Variants in ZSCAN21 observed in about 807,000 individuals in gnomAD.
The protein encoded by ZSCAN21 is zinc finger and SCAN domain containing 21, also known as zinc finger and SCAN domain-containing protein 21.
In ZSCAN21, 26 loss-of-function variants were observed where a neutral mutation model predicts 35.6. That is an observed-to-expected ratio of 0.73 (90% CI 0.54 to 1.01). The LOEUF (loss-of-function observed/expected upper bound fraction) is 1.01, where lower values mean the gene tolerates loss of function less well. ZSCAN21 is among the 50% of genes least tolerant of loss of function. ZSCAN21 has a pLI of 0.00. For synonymous variants in ZSCAN21, 219 were observed against 219.3 expected (o/e 1.00, Z 0.01); for missense variants, 593 against 587.1 (o/e 1.01, Z -0.10).
At chr7:100,054,580 G>A (rs570177354) in intron 1 of ZSCAN21, among the ~76,000 whole-genome samples, 1 of 152,044 alleles carries the variant, frequency 6.6e-6, no homozygotes, top group South Asian at 2.1e-4. Flanking sequence ...CAAATTTTGG[G>A]AAATAATTCT....
At chr7:100,053,519 T>TTACATGCA in intron 1 of ZSCAN21, among the ~76,000 whole-genome samples, 1 of 101,842 alleles carries the variant, frequency 9.8e-6, no homozygotes, top group South Asian at 3.3e-4. Flanking sequence ...AGGAGGGCTC[T>TTACATGCA]TACATACATA....
chr7:100,062,525 G>A (rs4421299), intron 3 of ZSCAN21, among the ~76,000 whole-genome samples: 40,386 of 149,622 alleles, frequency 0.27, 6,352 homozygotes, highest in Middle Eastern at 0.48. Flanking sequence ...AACCTGGGAG[G>A]CAGAGGTTGC....
At chr7:100,059,474 C>T (rs554358282) in intron 3 of ZSCAN21, among the ~76,000 whole-genome samples, 2 of 151,758 alleles carry the variant, frequency 1.3e-5, no homozygotes, top group Non-Finnish European at 1.5e-5. Context: ...GGTTTTAGTA[C>T]CCAGATGGGA....
intron 1 of ZSCAN21, among the ~76,000 whole-genome samples, chr7:100,054,894 C>T (rs962786027): frequency 2.7e-5 from 4 of 149,364 alleles, no homozygotes; most frequent in South Asian, 2.1e-4. Flanking sequence ...AACTATGAAC[C>T]GTGTTTACAG....
At chr7:100,055,750 C>G (rs970165460) in intron 1 of ZSCAN21, among the ~76,000 whole-genome samples, 1 of 150,844 alleles carries the variant, frequency 6.6e-6, no homozygotes, top group African/African-American at 2.4e-5. Flanking sequence ...AGGCCATTCT[C>G]CTGCCTCAGC....
At position 100,057,470 on chromosome 7, in the gene ZSCAN21, G is replaced by A. The variant is rs181065559; in HGVS notation, c.399+65G>A. 1.3e-4 allele frequency: 195 copies of A among 1,495,022 alleles called. 1 individual carries two copies. The Admixed American group carries it at 2.1e-3, about 16-fold the overall frequency. 92.6% of individuals were successfully genotyped at this position (1,495,022 alleles called of 1,614,324 possible). A position where few individuals can be genotyped will look rare whatever the true frequency, so the allele number is the denominator to read the frequency against. On this transcript the variant is annotated intron_variant, in intron 2 of 3. Transcript: ENST00000292450. Reference sequence around the variant, plus strand: ...GCGTAACATTCTAGGCAGGAACAAGGGTTTGTCCATACATTAAGATTTGCT... The same window carrying A: ...GCGTAACATTCTAGGCAGGAACAAGAGTTTGTCCATACATTAAGATTTGCT...
rs11558476 is a variant in ZSCAN21, at chr7:100,057,066, G to T, written c.60G>T (p.Gln20His). 6.2e-7 allele frequency: 1 copy of T among 1,613,888 alleles called. No individual in the cohort carries two copies. The highest frequency in any genetic ancestry group is 1.1e-5 in the South Asian group (1 of 91,072). Reference protein sequence around the residue: ...PVLGPRPPQEQVGPLMVKVEE... With the variant: ...PVLGPRPPQEHVGPLMVKVEE... ...TGGGCCCTAGGCCTCCACAGGAGCA[G>T]GTGGGGCCTCTGATGGTAAAAGTCG... Residue 20 changes from glutamine to histidine, a missense_variant, in exon 2 of 4, where the codon CAG becomes CAT. By Grantham distance (24) the Gln-to-His change is conservative. Transcript: ENST00000292450.
intron 1 of ZSCAN21, among the ~76,000 whole-genome samples, 154 bp downstream of exon 1, chr7:100,049,995 C>T (rs1791800365): frequency 1.3e-5 from 2 of 152,190 alleles, no homozygotes; most frequent in Non-Finnish European, 1.5e-5. Flanking sequence ...TCCTCGTCCC[C>T]GCCCAGGACC....
intron 1 of ZSCAN21, among the ~76,000 whole-genome samples, chr7:100,051,176 CT>C (rs1423911465): frequency 9.6e-5 from 1 of 10,444 alleles, no homozygotes; most frequent in Non-Finnish European, 1.8e-4. Context: ...GAAACTACGT[CT>C]CAAAAAAAAA....
intron 1 of ZSCAN21, among the ~76,000 whole-genome samples, chr7:100,053,636 C>T (rs1050004624): frequency 6.6e-6 from 1 of 150,450 alleles, no homozygotes; most frequent in Non-Finnish European, 1.5e-5. Context: ...CTACAACCTC[C>T]ACCTCCCAGG....
Position 100,064,670 on chromosome 7 carries a change from CAGAA to C in ZSCAN21, c.*58_*61del. On this transcript the variant is annotated 3_prime_UTR_variant, in exon 4 of 4. Transcript: ENST00000292450. Reference sequence around the variant, plus strand: ...GTTTTAAACTTTAGAATCTGAAAACCAGAAAGAAGTCTTGTCATTGCAGCAGCAT... The same window carrying C: ...GTTTTAAACTTTAGAATCTGAAAACCAGAAGTCTTGTCATTGCAGCAGCAT... 6.2e-7 allele frequency: 1 copy of C among 1,602,574 alleles called. No homozygotes were observed. The highest frequency in any genetic ancestry group is 8.5e-7 in the Non-Finnish European group (1 of 1,173,602).
chr7:100,060,451 A>G (rs1394945831), intron 3 of ZSCAN21, among the ~76,000 whole-genome samples: 2 of 152,142 alleles, frequency 1.3e-5, no homozygotes, highest in African/African-American at 2.4e-5. Flanking sequence ...AGTCCCAGCT[A>G]CTCAGGAGGC....
At chr7:100,063,024 T>G (rs535965185) in intron 3 of ZSCAN21, among the ~76,000 whole-genome samples, 52 of 152,338 alleles carry the variant, frequency 3.4e-4, no homozygotes, top group African/African-American at 1.2e-3. Flanking sequence ...CCCAAGTAGC[T>G]GGGACCACAG....
At chr7:100,060,759 C>T (rs1373031016) in intron 3 of ZSCAN21, among the ~76,000 whole-genome samples, 1 of 148,290 alleles carries the variant, frequency 6.7e-6, no homozygotes, top group Non-Finnish European at 1.5e-5. Flanking sequence ...ACTCGGGAGG[C>T]TGAGGCAGGG....
At chr7:100,053,172 G>A (rs940558617) in intron 1 of ZSCAN21, among the ~76,000 whole-genome samples, 11 of 150,942 alleles carry the variant, frequency 7.3e-5, no homozygotes, top group Non-Finnish European at 1.5e-4. Flanking sequence ...AAATCACTTA[G>A]CTAATGAGCT....
chr7:100,060,686 G>A (rs1450012543), intron 3 of ZSCAN21, among the ~76,000 whole-genome samples: 8 of 150,626 alleles, frequency 5.3e-5, no homozygotes, highest in Admixed American at 5.3e-4. Context: ...GGCCAACATA[G>A]TGAAACTCCA....
intron 3 of ZSCAN21, among the ~76,000 whole-genome samples, chr7:100,058,303 G>A (rs1792156321): frequency 6.6e-6 from 1 of 152,220 alleles, no homozygotes; most frequent in African/African-American, 2.4e-5. Flanking sequence ...AATCAGGTAA[G>A]AGCTATAGTC....
intron 3 of ZSCAN21, among the ~76,000 whole-genome samples, chr7:100,062,278 GTTC>G (rs1423138486): frequency 2.3e-5 from 3 of 128,790 alleles, no homozygotes; most frequent in Admixed American, 1.6e-4. Flanking sequence ...AGGCTCAACT[GTTC>G]TTTTTTTTTT....
rs150028821 is a variant in ZSCAN21, at chr7:100,056,515, A to G, written c.-96-396A>G. 3.1e-3 allele frequency among the ~76,000 whole-genome samples: 475 copies of G among 151,662 alleles called. 7 individuals are homozygous for G. The highest frequency in any genetic ancestry group is 0.011 in the African/African-American group (453 of 41,322). Reference sequence around the variant, plus strand: ...AATCTCGCTCTGTTGCGCAGGCTGGAATGCAGTGGCGCAGGCTTGGCTCAT... The same window carrying G: ...AATCTCGCTCTGTTGCGCAGGCTGGGATGCAGTGGCGCAGGCTTGGCTCAT... On this transcript the variant is annotated intron_variant, in intron 1 of 3. Coordinates refer to ENST00000292450, the MANE Select transcript of ZSCAN21 (RefSeq NM_145914.3).
Sources: allele counts gnomAD v4.1 joint callset (sites outside exome capture counted in the v4.1 genomes callset), GRCh38; gene constraint gnomAD v4.1.1; transcripts MANE v1.5; gene names NCBI Gene and HGNC (gene_info 2026-07-23, HGNC 2026-07-21).